Variants in TNFSF4 observed in about 807,000 individuals in gnomAD.
The protein encoded by TNFSF4 is tumor necrosis factor ligand superfamily member 4.
A neutral mutation model predicts 7.3 loss-of-function variants in TNFSF4; 4 were observed. The observed-to-expected ratio is 0.55, with a 90% CI of 0.27 to 1.25. The LOEUF (loss-of-function observed/expected upper bound fraction) is 1.25. TNFSF4 is among the 50% of genes most tolerant of loss of function. TNFSF4 has a pLI of 0.12. For synonymous variants in TNFSF4, 76 were observed against 83.7 expected, an observed-to-expected ratio of 0.91 and a Z score of 0.50; for missense variants, 181 against 208.8, an observed-to-expected ratio of 0.87 and a Z score of 0.82.
the TNFSF4 span, among the ~76,000 whole-genome samples, chr1:173,218,000 C>T: frequency 6.6e-6 from 1 of 152,192 alleles, no homozygotes; most frequent in Non-Finnish European, 1.5e-5. Flanking sequence ...CCTCCCGCCT[C>T]AGCCTGCCAA....
the TNFSF4 span, among the ~76,000 whole-genome samples, chr1:173,320,706 C>T: frequency 6.6e-6 from 1 of 152,140 alleles, no homozygotes; most frequent in African/African-American, 2.4e-5. Flanking sequence ...AGAGCCAGAT[C>T]ATGAGTGAAC....
chr1:173,246,041 T>C, the TNFSF4 span, among the ~76,000 whole-genome samples: 1 of 152,250 alleles, frequency 6.6e-6, no homozygotes. Flanking sequence ...AGTGTTGCAA[T>C]AAACATGGGA....
chr1:173,436,381 T>G, the TNFSF4 span, among the ~76,000 whole-genome samples: 1 of 152,188 alleles, frequency 6.6e-6, no homozygotes, highest in Non-Finnish European at 1.5e-5. Flanking sequence ...ACATGACAAC[T>G]CCAAAAGTCA....
the TNFSF4 span, among the ~76,000 whole-genome samples, chr1:173,392,749 T>C: frequency 6.6e-6 from 1 of 152,180 alleles, no homozygotes; most frequent in Non-Finnish European, 1.5e-5. Flanking sequence ...GCAATTTGGA[T>C]AGAAAACAGA....
the TNFSF4 span, among the ~76,000 whole-genome samples, chr1:173,237,614 C>T: frequency 6.6e-6 from 1 of 152,134 alleles, no homozygotes; most frequent in Non-Finnish European, 1.5e-5. Context: ...ACACTAATAG[C>T]ATCCAAGCCA....
the TNFSF4 span, among the ~76,000 whole-genome samples, chr1:173,441,061 T>G: frequency 6.6e-6 from 1 of 152,060 alleles, no homozygotes; most frequent in Non-Finnish European, 1.5e-5. Flanking sequence ...AACCTCTGAG[T>G]GCAGTCAGAG....
At chr1:173,245,101 G>A in the TNFSF4 span, among the ~76,000 whole-genome samples, 1 of 151,526 alleles carries the variant, frequency 6.6e-6, no homozygotes, top group Non-Finnish European at 1.5e-5. Flanking sequence ...ATGACTTAGA[G>A]GGTACCACCA....
At chr1:173,419,907 G>GT in the TNFSF4 span, among the ~76,000 whole-genome samples, 2 of 151,674 alleles carry the variant, frequency 1.3e-5, no homozygotes, top group African/African-American at 4.9e-5. Flanking sequence ...TTGTGTGGCG[G>GT]GGGGGGGGAT....
the TNFSF4 span, among the ~76,000 whole-genome samples, chr1:173,320,896 T>C: frequency 6.6e-6 from 1 of 152,232 alleles, no homozygotes; most frequent in African/African-American, 2.4e-5. Context: ...AAGATGGTCA[T>C]GCTGCCCAAA....
the TNFSF4 span, among the ~76,000 whole-genome samples, chr1:173,385,397 A>G: frequency 7.9e-5 from 12 of 152,244 alleles, no homozygotes; most frequent in Non-Finnish European, 1.8e-4. Flanking sequence ...CAACCCTCTT[A>G]GCAAAAAACA....
the TNFSF4 span, among the ~76,000 whole-genome samples, chr1:173,255,730 T>G: frequency 6.6e-6 from 1 of 152,238 alleles, no homozygotes; most frequent in African/African-American, 2.4e-5. Context: ...TGCATTAGGC[T>G]TAGGAGCTAA....
At chr1:173,327,830 C>T in the TNFSF4 span, among the ~76,000 whole-genome samples, 56 of 152,086 alleles carry the variant, frequency 3.7e-4, no homozygotes, top group East Asian at 7.7e-4. Context: ...GTTAGAATGG[C>T]GATCATTAAA....
At chr1:173,246,278 G>A in the TNFSF4 span, among the ~76,000 whole-genome samples, 2 of 152,058 alleles carry the variant, frequency 1.3e-5, no homozygotes, top group African/African-American at 4.8e-5. Flanking sequence ...TATGCATTAG[G>A]TATTTTTCCT....
At chr1:173,356,471 T>C in the TNFSF4 span, among the ~76,000 whole-genome samples, 1 of 152,226 alleles carries the variant, frequency 6.6e-6, no homozygotes, top group African/African-American at 2.4e-5. Context: ...TTTTTCGTAA[T>C]GCATTCCAGA....
At chr1:173,285,119 A>G in the TNFSF4 span, among the ~76,000 whole-genome samples, 3 of 152,190 alleles carry the variant, frequency 2.0e-5, no homozygotes, top group Admixed American at 6.5e-5. Flanking sequence ...AAATATCAAC[A>G]TTAACAGGAG....
the TNFSF4 span, among the ~76,000 whole-genome samples, chr1:173,262,960 T>C: frequency 6.6e-6 from 1 of 152,186 alleles, no homozygotes; most frequent in Non-Finnish European, 1.5e-5. Flanking sequence ...AAAATCAATG[T>C]GCAAAAATCA....
chr1:173,264,198 C>A, the TNFSF4 span, among the ~76,000 whole-genome samples: 1 of 151,962 alleles, frequency 6.6e-6, no homozygotes, highest in East Asian at 1.9e-4. Context: ...GGCTGAAGTA[C>A]AATGGCATGA....
the TNFSF4 span, among the ~76,000 whole-genome samples, chr1:173,381,102 G>A: frequency 6.6e-6 from 1 of 152,170 alleles, no homozygotes; most frequent in Admixed American, 6.5e-5. Context: ...GGAATAGCCA[G>A]TTTATCTACT....
the TNFSF4 span, among the ~76,000 whole-genome samples, chr1:173,343,095 C>T: frequency 2.0e-3 from 300 of 152,222 alleles, 2 homozygotes; most frequent in South Asian, 5.6e-3. Flanking sequence ...TTCCTATCTC[C>T]CAATCTTTCA....
Sources: gnomAD v4.1 joint callset for allele counts (sites outside exome capture counted in the v4.1 genomes callset) on GRCh38, gnomAD v4.1.1 for gene constraint, MANE v1.5 for transcripts, NCBI Gene and HGNC (gene_info 2026-07-23, HGNC 2026-07-21) for gene names.